The following BTD variants were observed in gnomAD, a reference collection of about 807,000 sequenced individuals.
BTD encodes the protein biocytinase.
In BTD, 13 loss-of-function variants were observed where a neutral mutation model predicts 17.7. The ratio of observed to expected loss-of-function variants is 0.74; its 90% CI spans 0.48 to 1.17. The LOEUF is 1.17. Ranked by LOEUF, BTD falls within the 50% of genes most tolerant of loss-of-function variation. BTD has a pLI of 0.00. For missense variants in BTD, 674 were observed against 650.4 expected (o/e 1.04, Z -0.39); for synonymous variants, 240 against 245.2 (o/e 0.98, Z 0.20).
intron 3 of BTD, among the ~76,000 whole-genome samples, chr3:15,679,808 T>C (rs1324451430): frequency 6.6e-6 from 1 of 151,934 alleles, no homozygotes; most frequent in Admixed American, 6.6e-5. Context: ...GGGTTCTGCA[T>C]CCATCAATTC....
chr3:15,601,409 C>G (rs766614515), upstream of BTD: 6 of 1,614,114 alleles, frequency 3.7e-6, no homozygotes, highest in Admixed American at 6.7e-5. Context: ...TGAGCGATGA[C>G]TTTAGCACCA....
At chr3:15,615,670 C>T (rs529486526) in intron 1 of BTD, among the ~76,000 whole-genome samples, 1 of 152,184 alleles carries the variant, frequency 6.6e-6, no homozygotes, top group Non-Finnish European at 1.5e-5. Context: ...ACATATACTC[C>T]CTGTCCTGAT....
At chr3:15,608,232 A>G (rs890615006) in intron 1 of BTD, among the ~76,000 whole-genome samples, 1 of 152,208 alleles carries the variant, frequency 6.6e-6, no homozygotes, top group African/African-American at 2.4e-5. Context: ...GAACTGGAGA[A>G]GGGAGTGCTG....
At chr3:15,618,649 C>G (rs1367761632) in intron 1 of BTD, among the ~76,000 whole-genome samples, 1 of 152,114 alleles carries the variant, frequency 6.6e-6, no homozygotes, top group Non-Finnish European at 1.5e-5. Context: ...CCTCAGCCTC[C>G]CGAGTAGCTG....
At chr3:15,606,396 T>C (rs1010583048) in intron 1 of BTD, 3 of 152,224 alleles carry the variant, frequency 2.0e-5, no homozygotes, top group African/African-American at 7.2e-5. Context: ...AAACATATGA[T>C]TGCCTGTCAC....
chr3:15,689,781 A>G lies in BTD; in HGVS notation c.400-20279A>G, dbSNP rs539382783. 17 of 442,532 alleles carry G rather than the reference A, an allele frequency of 3.8e-5. No individual in the cohort carries two copies. In the Admixed American group the frequency reaches 5.4e-4, roughly 14 times the overall value. 27.4% of individuals were successfully genotyped at this position (442,532 alleles called of 1,614,324 possible). Reference sequence around the variant, plus strand: ...CTTGGTTTACTTGGGTTGATATAATACACTGTATTTAAGTTCCCTGAACAC... The same window carrying G: ...CTTGGTTTACTTGGGTTGATATAATGCACTGTATTTAAGTTCCCTGAACAC... On this transcript the variant is annotated intron_variant, in intron 3 of 3. Coordinates refer to the BTD transcript ENST00000672141.
At chr3:15,624,306 GC>G (rs1374874945) in intron 1 of BTD, among the ~76,000 whole-genome samples, 1 of 152,054 alleles carries the variant, frequency 6.6e-6, no homozygotes, top group South Asian at 2.1e-4. Flanking sequence ...AGTCATTATT[GC>G]CTCAGATATT....
intron 3 of BTD, among the ~76,000 whole-genome samples, chr3:15,698,387 T>A (rs974513203): frequency 2.0e-5 from 3 of 152,108 alleles, no homozygotes; most frequent in African/African-American, 7.2e-5. Flanking sequence ...AAGTTCTGGC[T>A]AGGGCAATCA....
At position 15,631,286 on chromosome 3, in the gene BTD, A is replaced by G. The variant is rs2065197382; in HGVS notation, c.-16-4138A>G. 5 of 670,714 alleles carry G rather than the reference A, an allele frequency of 7.5e-6. 1 individual carries two copies. In the South Asian group the frequency reaches 9.1e-5, roughly 12 times the overall value. 41.5% of individuals were successfully genotyped at this position (670,714 alleles called of 1,614,324 possible). On this transcript the variant is annotated intron_variant, in intron 1 of 3. Transcript: ENST00000643237. The stretch of plus-strand genomic sequence containing the variant: ...CTCCTTTCCTAATCATAGGATTGCT[A>G]TTCTCCCTGACAAGTAAAGAATGAC...
At chr3:15,661,265 CAAAAAAAAAAAAAA>C (rs56165902) in intron 3 of BTD, among the ~76,000 whole-genome samples, 2 of 93,778 alleles carry the variant, frequency 2.1e-5, no homozygotes, top group South Asian at 3.6e-4. Flanking sequence ...GACTCTGTCT[CAAAAAAAAAAAAAA>C]AAAAAAAAAA....
At chr3:15,602,353 A>G (rs2064289909) in intron 1 of BTD, 3 of 1,006,584 alleles carry the variant, frequency 3.0e-6, no homozygotes, top group Non-Finnish European at 3.6e-6. Context: ...CTACTAATCC[A>G]TATTACTCTC....
intron 3 of BTD, among the ~76,000 whole-genome samples, chr3:15,707,193 C>A (rs1209631065): frequency 6.6e-6 from 1 of 152,022 alleles, no homozygotes; most frequent in Non-Finnish European, 1.5e-5. Context: ...CTGACCCACA[C>A]CATAGGGAAT....
chr3:15,602,032 T>G, intron 1 of BTD, 138 bp downstream of exon 1: 1 of 1,489,848 alleles, frequency 6.7e-7, no homozygotes. Context: ...GCGCGTCGTT[T>G]GCTGGGGCTG....
downstream of BTD, among the ~76,000 whole-genome samples, chr3:15,714,408 G>A (rs1055362250): frequency 4.0e-5 from 6 of 151,694 alleles, no homozygotes; most frequent in East Asian, 1.9e-4. Context: ...ATACAGCTAC[G>A]TGGTATTTTA....
chr3:15,713,290 T>C (rs1049445799), downstream of BTD, among the ~76,000 whole-genome samples: 1 of 152,192 alleles, frequency 6.6e-6, no homozygotes. Context: ...CAAAACTGCG[T>C]TATTACTCAA....
At chr3:15,698,844 C>T (rs2070090729) in intron 3 of BTD, among the ~76,000 whole-genome samples, 1 of 152,118 alleles carries the variant, frequency 6.6e-6, no homozygotes, top group Admixed American at 6.5e-5. Flanking sequence ...GAATGCCATC[C>T]CCATCAAGCT....
chr3:15,698,030 A>G (rs1428997621), intron 3 of BTD, among the ~76,000 whole-genome samples: 4 of 152,014 alleles, frequency 2.6e-5, no homozygotes, highest in Non-Finnish European at 4.4e-5. Context: ...AGAGGTGTTT[A>G]TAGTATTCTC....
chr3:15,689,941 G>T, intron 3 of BTD: 3 of 1,286,982 alleles, frequency 2.3e-6, no homozygotes, highest in South Asian at 1.6e-5. Flanking sequence ...ACAATTAACT[G>T]GAAATATTAT....
At chr3:15,664,901 T>A (rs1187005838) in intron 3 of BTD, among the ~76,000 whole-genome samples, 1 of 152,130 alleles carries the variant, frequency 6.6e-6, no homozygotes, top group Non-Finnish European at 1.5e-5. Flanking sequence ...AACTACCTAT[T>A]AAGTACGACG....
Sources: gnomAD v4.1 joint callset for allele counts (sites outside exome capture counted in the v4.1 genomes callset) on GRCh38, gnomAD v4.1.1 for gene constraint, MANE v1.5 for transcripts, NCBI Gene and HGNC (gene_info 2026-07-23, HGNC 2026-07-21) for gene names.